The following LRRC38 variants were observed in gnomAD, a reference collection of about 807,000 sequenced individuals.
LRRC38 encodes leucine rich repeat containing 38, also known as leucine-rich repeat-containing protein 38.
A neutral mutation model predicts 16.4 loss-of-function variants in LRRC38; 5 were observed. The ratio of observed to expected loss-of-function variants is 0.31; its 90% CI spans 0.16 to 0.64. The LOEUF is 0.64. LRRC38 is among the 30% of genes least tolerant of loss of function. LRRC38 has a pLI of 0.80. For missense variants in LRRC38, 341 were observed against 401.8 expected, an observed-to-expected ratio of 0.85 and a Z score of 1.29; for synonymous variants, 191 against 190.2, an observed-to-expected ratio of 1.00 and a Z score of -0.04.
rs575513397 is a variant in LRRC38, at chr1:13,492,933, C to T, written c.632-16834G>A. 4.6e-5 allele frequency among the ~76,000 whole-genome samples: 7 copies of T among 152,220 alleles called. No homozygotes were observed. The South Asian group carries it at 8.3e-4, about 18-fold the overall frequency. ...TCCCCCCTGACCCAGGCCTAACCTC[C>T]GACCACGTGAGTCCCGTCGCTCTTG... On this transcript the variant is annotated intron_variant, in intron 1 of 1. Coordinates refer to ENST00000376085, the MANE Select transcript of LRRC38 (RefSeq NM_001010847.2).
intron 1 of LRRC38, among the ~76,000 whole-genome samples, chr1:13,488,102 G>A (rs895997144): frequency 6.0e-5 from 9 of 150,254 alleles, no homozygotes; most frequent in Non-Finnish European, 1.3e-4. Flanking sequence ...CCACCACTCT[G>A]TCGGATAACC....
At chr1:13,512,927 C>CAACCA in intron 1 of LRRC38, 36 bp downstream of exon 1, 2 of 1,333,536 alleles carry the variant, frequency 1.5e-6, no homozygotes, top group Non-Finnish European at 2.1e-6. Context: ...CCCTGCCCCC[C>CAACCA]TCCCTCCCTC....
chr1:13,499,894 G>C (rs1213739262), intron 1 of LRRC38, among the ~76,000 whole-genome samples: 1 of 152,164 alleles, frequency 6.6e-6, no homozygotes, highest in Non-Finnish European at 1.5e-5. Context: ...AAGCCAAAGG[G>C]AAAAGTCAAG....
intron 1 of LRRC38, among the ~76,000 whole-genome samples, chr1:13,500,288 G>T (rs1639133098): frequency 6.7e-6 from 1 of 149,928 alleles, no homozygotes; most frequent in Non-Finnish European, 1.5e-5. Context: ...ATTTAAAAAA[G>T]AAAAGAAAAA....
chr1:13,481,602 A>G (rs553265863), intron 1 of LRRC38, among the ~76,000 whole-genome samples: 9 of 151,474 alleles, frequency 5.9e-5, no homozygotes, highest in East Asian at 3.9e-4. Flanking sequence ...TCACCGTGTT[A>G]GCCAGGATTG....
intron 1 of LRRC38, among the ~76,000 whole-genome samples, chr1:13,510,671 C>T (rs551410284): frequency 8.8e-5 from 9 of 102,004 alleles, no homozygotes; most frequent in South Asian, 3.4e-4. Flanking sequence ...AGGGAGGGGG[C>T]GGGGAACACC....
intron 1 of LRRC38, among the ~76,000 whole-genome samples, chr1:13,481,780 C>CTCT (rs1553134659): frequency 3.4e-5 from 2 of 58,348 alleles, no homozygotes; most frequent in African/African-American, 1.6e-4. Flanking sequence ...TCCCTCTCTC[C>CTCT]CTCTCTCCCT....
At chr1:13,498,955 G>A (rs958001875) in intron 1 of LRRC38, among the ~76,000 whole-genome samples, 4 of 152,164 alleles carry the variant, frequency 2.6e-5, no homozygotes, top group Non-Finnish European at 4.4e-5. Flanking sequence ...TCCTTAGTTT[G>A]TAGGTACAGC....
intron 1 of LRRC38, among the ~76,000 whole-genome samples, chr1:13,488,340 C>T (rs1228868498): frequency 1.3e-5 from 2 of 149,278 alleles, no homozygotes; most frequent in Non-Finnish European, 3.0e-5. Flanking sequence ...GGTGGGATCT[C>T]GGCTCACTGC....
At chr1:13,481,043 G>A (rs1405791079) in intron 1 of LRRC38, among the ~76,000 whole-genome samples, 1 of 152,176 alleles carries the variant, frequency 6.6e-6, no homozygotes, top group African/African-American at 2.4e-5. Flanking sequence ...GTATCTGGAG[G>A]TGAGGCCTCT....
At chr1:13,503,247 GTTTATTTATTTATTTTGTTTTTA>G (rs60864364) in intron 1 of LRRC38, among the ~76,000 whole-genome samples, 7,695 of 152,116 alleles carry the variant, frequency 0.051, 643 homozygotes, top group African/African-American at 0.18. Context: ...ACTCTAAATT[GTTTATTTATTTATTTTGTTTTTA>G]TTTATTTATT....
chr1:13,497,775 A>C (rs777512547), intron 1 of LRRC38, among the ~76,000 whole-genome samples: 2 of 152,008 alleles, frequency 1.3e-5, no homozygotes, highest in African/African-American at 2.4e-5. Flanking sequence ...CAGCCTGACC[A>C]ACATGGAGAA....
chr1:13,485,429 A>G (rs1258612936), intron 1 of LRRC38, among the ~76,000 whole-genome samples: 5 of 152,016 alleles, frequency 3.3e-5, no homozygotes, highest in African/African-American at 1.2e-4. Flanking sequence ...ACAAAAAATT[A>G]GCATGGTGGC....
At chr1:13,496,032 C>A (rs1317761670) in intron 1 of LRRC38, among the ~76,000 whole-genome samples, 2 of 152,132 alleles carry the variant, frequency 1.3e-5, no homozygotes, top group Admixed American at 6.5e-5. Flanking sequence ...TAACGGCTTA[C>A]AAATTGTGAT....
chr1:13,492,963 T>C (rs1367896452), intron 1 of LRRC38, among the ~76,000 whole-genome samples: 1 of 151,944 alleles, frequency 6.6e-6, no homozygotes, highest in Non-Finnish European at 1.5e-5. Flanking sequence ...CTCTTGGGAG[T>C]TCCCTGGGGG....
At chr1:13,506,456 T>G (rs1250690196) in intron 1 of LRRC38, among the ~76,000 whole-genome samples, 1 of 152,130 alleles carries the variant, frequency 6.6e-6, no homozygotes, top group Non-Finnish European at 1.5e-5. Context: ...TCTTTTTCTA[T>G]TTTCTTTTTT....
chr1:13,478,176 T>C (rs1218308435), intron 1 of LRRC38, among the ~76,000 whole-genome samples: 1 of 152,224 alleles, frequency 6.6e-6, no homozygotes, highest in Admixed American at 6.5e-5. Context: ...TGAATGGTAT[T>C]AGAATGCATA....
At chr1:13,507,830 T>C (rs1436113597) in intron 1 of LRRC38, among the ~76,000 whole-genome samples, 1 of 151,128 alleles carries the variant, frequency 6.6e-6, no homozygotes, top group African/African-American at 2.4e-5. Context: ...AAACTCCATC[T>C]CAAAACAAAC....
intron 1 of LRRC38, among the ~76,000 whole-genome samples, chr1:13,476,739 C>T (rs982210620): frequency 6.6e-6 from 1 of 152,138 alleles, no homozygotes. Context: ...CGACTAGTAG[C>T]AGGGAGTGGA....
Sources: gnomAD v4.1 joint callset for allele counts (sites outside exome capture counted in the v4.1 genomes callset) on GRCh38, gnomAD v4.1.1 for gene constraint, MANE v1.5 for transcripts, NCBI Gene and HGNC (gene_info 2026-07-23, HGNC 2026-07-21) for gene names.